TOX2: variants seen among roughly 807,000 people sequenced by gnomAD.
TOX2 encodes TOX high mobility group box family member 2, also known as granulosa cell HMG box 1.
In TOX2, 15 loss-of-function variants were observed where a neutral mutation model predicts 47.4. That is an observed-to-expected ratio of 0.32 (90% CI 0.21 to 0.49). TOX2 has a LOEUF of 0.49. Among genes scored for constraint, TOX2 ranks in the 20% least tolerant of loss-of-function variants. TOX2 has a pLI of 0.99. For missense variants in TOX2, 622 were observed against 673.1 expected (o/e 0.92, Z 0.84); for synonymous variants, 290 against 296.6 (o/e 0.98, Z 0.23).
intron 4 of TOX2, among the ~76,000 whole-genome samples, chr20:44,053,543 T>TATATACACAC (rs1423675889): frequency 1.9e-4 from 26 of 140,358 alleles, no homozygotes; most frequent in African/African-American, 7.0e-4. Context: ...ATATATACTA[T>TATATACACAC]ATATATACAT....
In TOX2 at chr20:44,039,615, G is replaced by A. The variant is rs1033976457; in HGVS notation, c.412-11691G>A. 2.0e-5 allele frequency among the ~76,000 whole-genome samples: 3 copies of A among 152,230 alleles called. No homozygotes were observed. In the South Asian group the frequency reaches 6.2e-4, roughly 32 times the overall value. On this transcript the variant is annotated intron_variant, in intron 3 of 8. Coordinates refer to ENST00000341197, the MANE Select transcript of TOX2 (RefSeq NM_001098797.2). ...CCAGGAAGCCCTTGGAGGGAAAAAG[G>A]CAAGTGAGATTGAAAGGAAAGAAAG...
chr20:44,067,742 C>T (rs779339675), intron 8 of TOX2, among the ~76,000 whole-genome samples: 7 of 152,134 alleles, frequency 4.6e-5, no homozygotes, highest in South Asian at 2.1e-4. Context: ...TTTCAACAAC[C>T]GCAGCCAGCA....
chr20:44,004,324 C>T (rs1449572130), intron 2 of TOX2, among the ~76,000 whole-genome samples: 1 of 152,154 alleles, frequency 6.6e-6, no homozygotes, highest in African/African-American at 2.4e-5. Context: ...GAAACCCAGA[C>T]TGGTTGAGGT....
chr20:43,981,956 A>G (rs1413184233), intron 2 of TOX2, among the ~76,000 whole-genome samples: 1 of 150,866 alleles, frequency 6.6e-6, no homozygotes, highest in Non-Finnish European at 1.5e-5. Context: ...TTTTTTAAAG[A>G]AAAGTCTTTA....
rs2069053748 is a variant in TOX2 at position 43,916,243 on chromosome 20, C to T, written c.99+1253C>T. 1.0e-6 allele frequency: 1 copy of T among 984,774 alleles called. No homozygotes were observed. Among genetic ancestry groups the T allele is most frequent in the Non-Finnish European group, 1.2e-6 (1 of 829,418 alleles). The allele number at this position is 984,774 out of a possible 1,614,324, so 61.0% of individuals were successfully genotyped here. On this transcript the variant is annotated intron_variant, in intron 1 of 8. Transcript: ENST00000341197. This position sits in a 1 kb window ranked among gnomAD's most constrained non-coding sequence, Gnocchi z 5.0. ...CGTCCAGTGGCTGGATCGGCGCCCCCCAGGGTCTCTCCCCAACCTCGCAGG... is the reference window on the plus strand; with the variant it reads ...CGTCCAGTGGCTGGATCGGCGCCCCTCAGGGTCTCTCCCCAACCTCGCAGG...
intron 1 of TOX2, among the ~76,000 whole-genome samples, chr20:43,972,685 C>T (rs776552920): frequency 4.6e-5 from 7 of 152,272 alleles, no homozygotes; most frequent in East Asian, 1.9e-4. Context: ...AAGAGGGAGG[C>T]GGGGGTCCCA....
intron 3 of TOX2, among the ~76,000 whole-genome samples, chr20:44,016,404 G>A (rs947332882): frequency 1.3e-5 from 2 of 152,032 alleles, no homozygotes; most frequent in East Asian, 1.9e-4. Context: ...GATTACAGAC[G>A]TGAGCCACTA....
At chr20:43,940,440 T>C (rs981998776) in intron 1 of TOX2, among the ~76,000 whole-genome samples, 6 of 151,492 alleles carry the variant, frequency 4.0e-5, no homozygotes, top group Non-Finnish European at 8.8e-5. Flanking sequence ...CCCAGGCTGC[T>C]CTTGAATTCC....
At chr20:44,055,299 G>A (rs1025523662) in intron 5 of TOX2, among the ~76,000 whole-genome samples, 3 of 152,244 alleles carry the variant, frequency 2.0e-5, no homozygotes, top group African/African-American at 7.2e-5. Context: ...TTGTGATTGT[G>A]CCGTGTACCA....
At chr20:44,011,392 A>T (rs997482223) in intron 3 of TOX2, among the ~76,000 whole-genome samples, 1 of 152,156 alleles carries the variant, frequency 6.6e-6, no homozygotes, top group Non-Finnish European at 1.5e-5. Context: ...TGAAAAGCCT[A>T]TTTCTAAGAC....
At chr20:44,043,149 G>C (rs746808163) in intron 3 of TOX2, among the ~76,000 whole-genome samples, 4 of 152,106 alleles carry the variant, frequency 2.6e-5, no homozygotes, top group Non-Finnish European at 5.9e-5. Context: ...GCCCAGGTTG[G>C]GGATGAGGGG....
intron 2 of TOX2, among the ~76,000 whole-genome samples, chr20:44,003,756 G>A (rs542914892): frequency 2.6e-5 from 4 of 151,396 alleles, no homozygotes; most frequent in African/African-American, 9.8e-5. Context: ...GTGTGTGGCA[G>A]GCGGAGTGCA....
At chr20:44,016,860 T>C (rs1175482975) in intron 3 of TOX2, among the ~76,000 whole-genome samples, 1 of 152,132 alleles carries the variant, frequency 6.6e-6, no homozygotes, top group Non-Finnish European at 1.5e-5. Context: ...CCATAAAATT[T>C]AAAGGTGTGT....
intron 1 of TOX2, among the ~76,000 whole-genome samples, chr20:43,933,699 G>A (rs1430048506): frequency 6.6e-6 from 1 of 152,188 alleles, no homozygotes; most frequent in Non-Finnish European, 1.5e-5. Context: ...CCACATGTCA[G>A]TTAGTCATTG....
chr20:44,034,323 A>T (rs1009173123), intron 3 of TOX2, among the ~76,000 whole-genome samples: 2 of 151,884 alleles, frequency 1.3e-5, no homozygotes, highest in African/African-American at 4.8e-5. Context: ...GACCCCAGGC[A>T]CACCTGGGTT....
intron 3 of TOX2, among the ~76,000 whole-genome samples, chr20:44,044,828 C>T (rs1449470001): frequency 1.3e-5 from 2 of 152,126 alleles, no homozygotes; most frequent in African/African-American, 4.8e-5. Context: ...CTTGTGCACC[C>T]ACATTCCTAG....
intron 6 of TOX2, 135 bp from the exon 7 acceptor site, chr20:44,065,577 G>T: frequency 2.9e-6 from 3 of 1,023,102 alleles, no homozygotes; most frequent in Non-Finnish European, 4.3e-6. Flanking sequence ...TGCTATCTCT[G>T]GTTAGTCCAA....
rs943877735 is a variant in TOX2 at position 43,944,125 on chromosome 20, C to T, written c.99+29135C>T. 5.3e-5 allele frequency among the ~76,000 whole-genome samples: 8 copies of T among 152,082 alleles called. No individual in the cohort carries two copies. The South Asian group carries it at 6.2e-4, about 12-fold the overall frequency. On this transcript the variant is annotated intron_variant, in intron 1 of 8. Coordinates refer to ENST00000341197, the MANE Select transcript of TOX2 (RefSeq NM_001098797.2). Reference sequence around the variant, plus strand: ...AATGCACCTCTCTTTTGCCTTGAGACGAGTGTCATGTGCCTTGGATCTATG... The same window carrying T: ...AATGCACCTCTCTTTTGCCTTGAGATGAGTGTCATGTGCCTTGGATCTATG...
intron 3 of TOX2, among the ~76,000 whole-genome samples, chr20:44,030,944 T>A (rs766704632): frequency 3.9e-5 from 6 of 152,184 alleles, no homozygotes; most frequent in Non-Finnish European, 8.8e-5. Context: ...ATTTGTTAAA[T>A]TCTTCCTTAA....
Sources: gnomAD v4.1 joint callset for allele counts (sites outside exome capture counted in the v4.1 genomes callset) on GRCh38, gnomAD v4.1.1 for gene constraint, Gnocchi (gnomAD v3.1) non-coding constraint, MANE v1.5 for transcripts, NCBI Gene and HGNC (gene_info 2026-07-23, HGNC 2026-07-21) for gene names.